CAP2: variants seen among roughly 807,000 people sequenced by gnomAD.
The protein encoded by CAP2 is adenylyl cyclase-associated protein 2.
CAP2 carries 24 observed loss-of-function variants against 57.7 expected under a neutral mutation model. That is an observed-to-expected ratio of 0.42 (90% CI 0.30 to 0.58). The LOEUF (loss-of-function observed/expected upper bound fraction) is 0.58. Among genes scored for constraint, CAP2 ranks in the 20% least tolerant of loss-of-function variants. CAP2 has a pLI of 0.22. For missense variants in CAP2, 501 were observed against 590.3 expected (o/e 0.85, Z 1.57); for synonymous variants, 194 against 207.2 (o/e 0.94, Z 0.55).
At chr6:17,427,068 G>T (rs1226235372) in intron 3 of CAP2, among the ~76,000 whole-genome samples, 3 of 152,178 alleles carry the variant, frequency 2.0e-5, no homozygotes, top group Non-Finnish European at 4.4e-5. Flanking sequence ...TGGAAACAGG[G>T]CTATTGCTTG....
At chr6:17,555,416 A>G (rs2113715724) in intron 12 of CAP2, among the ~76,000 whole-genome samples, 2 of 151,506 alleles carry the variant, frequency 1.3e-5, no homozygotes, top group Middle Eastern at 3.4e-3. Context: ...CTGGTCTCGA[A>G]CTCCCAACCT....
chr6:17,489,597 AG>A (rs1191575924), intron 4 of CAP2, among the ~76,000 whole-genome samples: 12 of 152,084 alleles, frequency 7.9e-5, no homozygotes, highest in Non-Finnish European at 1.8e-4. Flanking sequence ...ACCCAGTGTC[AG>A]CTACCATCAC....
At chr6:17,517,172 A>C (rs565602645) in intron 7 of CAP2, among the ~76,000 whole-genome samples, 9 of 152,340 alleles carry the variant, frequency 5.9e-5, no homozygotes, top group African/African-American at 2.2e-4. Flanking sequence ...AGAACAGTAA[A>C]ATGAAAATCA....
intron 1 of CAP2, among the ~76,000 whole-genome samples, chr6:17,409,538 T>C (rs1759084535): frequency 6.6e-6 from 1 of 152,140 alleles, no homozygotes. Flanking sequence ...TAATGACATG[T>C]AGGCATCACT....
At chr6:17,403,472 AAG>A (rs1349215843) in intron 1 of CAP2, among the ~76,000 whole-genome samples, 2 of 152,238 alleles carry the variant, frequency 1.3e-5, no homozygotes, top group African/African-American at 2.4e-5. Context: ...AAGTGTTCAA[AAG>A]AGAGAGATTT....
chr6:17,406,462 C>T (rs1042966282), intron 1 of CAP2, among the ~76,000 whole-genome samples: 4 of 144,436 alleles, frequency 2.8e-5, no homozygotes, highest in East Asian at 2.0e-4. Context: ...GGTGCAATCT[C>T]GGCTCACTGC....
At chr6:17,553,325 G>A (rs981345592) in intron 12 of CAP2, among the ~76,000 whole-genome samples, 2 of 152,066 alleles carry the variant, frequency 1.3e-5, no homozygotes, top group African/African-American at 2.4e-5. Flanking sequence ...CAAAACCTGA[G>A]CGTTCATGCT....
chr6:17,448,648 G>A (rs924047362), intron 3 of CAP2, among the ~76,000 whole-genome samples: 1 of 152,014 alleles, frequency 6.6e-6, no homozygotes, highest in Non-Finnish European at 1.5e-5. Context: ...TACAATGATT[G>A]GTCTTACATT....
rs762031817 is a variant in CAP2, at chr6:17,556,343, T to G, written c.1351-16T>G. On this transcript the variant is annotated splice_polypyrimidine_tract_variant and intron_variant, in intron 12 of 12. Coordinates refer to ENST00000229922, the MANE Select transcript of CAP2 (RefSeq NM_006366.3). ...GTTGTAGTTTAAATAACTTTGTTGT[T>G]CTTGCCTTTTTCCAGAGAGAATTTC... 1 of 1,581,374 alleles carries G rather than the reference T, an allele frequency of 6.3e-7. No individual in the cohort carries two copies. The highest frequency in any genetic ancestry group is 8.7e-7 in the Non-Finnish European group (1 of 1,150,514).
intron 3 of CAP2, among the ~76,000 whole-genome samples, chr6:17,455,616 C>A (rs1046372329): frequency 6.6e-6 from 1 of 151,738 alleles, no homozygotes; most frequent in Non-Finnish European, 1.5e-5. Flanking sequence ...GCTCACTGCA[C>A]TCTCCGCCTC....
In CAP2 at chr6:17,402,700, A is replaced by G. The variant is rs1758848377; in HGVS notation, c.-2+8954A>G. On this transcript the variant is annotated intron_variant, in intron 1 of 12. Transcript: ENST00000229922. ...ACATGTAAAACTGGCTTCTTCCACA[A>G]TGGGAGAGGGAAGGTGATTGGACTT... 3.9e-5 allele frequency among the ~76,000 whole-genome samples: 6 copies of G among 152,320 alleles called. No individual in the cohort carries two copies. In the South Asian group the frequency reaches 1.0e-3, roughly 26 times the overall value.
intron 4 of CAP2, among the ~76,000 whole-genome samples, chr6:17,485,085 G>A (rs1761387167): frequency 6.6e-6 from 1 of 152,064 alleles, no homozygotes; most frequent in Non-Finnish European, 1.5e-5. Context: ...TCATCAGGGA[G>A]AGAATTTGAG....
chr6:17,521,953 AC>A (rs1255814613), intron 7 of CAP2, among the ~76,000 whole-genome samples: 3 of 152,110 alleles, frequency 2.0e-5, no homozygotes, highest in Non-Finnish European at 2.9e-5. Context: ...TACTAAAAAT[AC>A]AAAAATTAGC....
chr6:17,491,081 T>C (rs1467951566), intron 4 of CAP2, among the ~76,000 whole-genome samples: 3 of 152,162 alleles, frequency 2.0e-5, no homozygotes, highest in Non-Finnish European at 1.5e-5. Flanking sequence ...GTCATTAACA[T>C]CATGTCCCAG....
At chr6:17,462,773 A>C (rs1760760754) in intron 3 of CAP2, among the ~76,000 whole-genome samples, 1 of 152,176 alleles carries the variant, frequency 6.6e-6, no homozygotes, top group Non-Finnish European at 1.5e-5. Flanking sequence ...TGGTATGGAT[A>C]TATCACATTT....
At position 17,530,415 on chromosome 6, in the gene CAP2, T is replaced by C. The variant is rs1015838848; in HGVS notation, c.637-8854T>C. On this transcript the variant is annotated intron_variant, in intron 7 of 12. Transcript: ENST00000229922. ...CTAACCTGCTTTTAAAGTGTATGAT[T>C]GGAGACCTATAAGTTGTCACTGCTA... Among the ~76,000 whole-genome samples the C allele has an allele frequency of 4.6e-5, 7 of 152,248 alleles. No homozygotes were observed. The East Asian group carries it at 1.4e-3, about 29-fold the overall frequency.
chr6:17,405,516 CT>C (rs1758939122), intron 1 of CAP2, among the ~76,000 whole-genome samples: 2 of 151,866 alleles, frequency 1.3e-5, no homozygotes, highest in Admixed American at 1.3e-4. Flanking sequence ...CTCTCTCTCT[CT>C]CTCTCTCTCT....
At chr6:17,484,141 CG>C (rs1761364161) in intron 4 of CAP2, among the ~76,000 whole-genome samples, 1 of 151,974 alleles carries the variant, frequency 6.6e-6, no homozygotes, top group Admixed American at 6.6e-5. Context: ...AAATCAAAGA[CG>C]GATGGACTCT....
chr6:17,545,109 A>G (rs1232298588), intron 11 of CAP2, among the ~76,000 whole-genome samples: 2 of 152,222 alleles, frequency 1.3e-5, no homozygotes, highest in Non-Finnish European at 2.9e-5. Context: ...ACTAGAAGTA[A>G]CAGCAGTGAA....
Sources: allele counts gnomAD v4.1 joint callset (sites outside exome capture counted in the v4.1 genomes callset), GRCh38; gene constraint gnomAD v4.1.1; transcripts MANE v1.5; gene names NCBI Gene and HGNC (gene_info 2026-07-23, HGNC 2026-07-21).